Variants in TUBGCP3 observed in about 807,000 individuals in gnomAD.
TUBGCP3 encodes the protein tubulin gamma complex component 3.
A neutral mutation model predicts 123.1 loss-of-function variants in TUBGCP3; 50 were observed. That is an observed-to-expected ratio of 0.41 (90% CI 0.32 to 0.51). The LOEUF is 0.51. Ranked by LOEUF, TUBGCP3 falls within the 20% of genes least tolerant of loss-of-function variation. The pLI is 0.36. For synonymous variants in TUBGCP3, 405 were observed against 413.9 expected (o/e 0.98, Z 0.26); for missense variants, 882 against 1,127.0 (o/e 0.78, Z 3.11).
rs544444414 is a variant in TUBGCP3, at chr13:112,513,018, C to T, written c.2086+3422G>A. Among the ~76,000 whole-genome samples the T allele has an allele frequency of 6.6e-5, 10 of 152,152 alleles. No individual in the cohort carries two copies. In the East Asian group the frequency reaches 1.9e-3, roughly 29 times the overall value. On this transcript the variant is annotated intron_variant, in intron 17 of 21. Coordinates refer to ENST00000261965, the MANE Select transcript of TUBGCP3 (RefSeq NM_006322.6). ...GTTTTCCCTCAAGAACATAAGAGAT[C>T]GATTTTATTTCTAATAAAGACCAAA... is the stretch of plus-strand genomic sequence containing the variant.
intron 11 of TUBGCP3, among the ~76,000 whole-genome samples, chr13:112,542,127 C>A (rs1878571672): frequency 1.3e-5 from 2 of 152,124 alleles, no homozygotes; most frequent in Admixed American, 6.5e-5. Flanking sequence ...TGAGAGTAAA[C>A]AAATCATAGT....
intron 20 of TUBGCP3, 151 bp downstream of exon 20, chr13:112,498,894 G>C (rs775630112): frequency 1.2e-6 from 2 of 1,613,442 alleles, no homozygotes; most frequent in Admixed American, 3.3e-5. Flanking sequence ...ACAACTGTCA[G>C]TGATTTCTCG....
At chr13:112,498,906 G>T (rs765692174) in intron 20 of TUBGCP3, 139 bp downstream of exon 20, 3 of 1,613,766 alleles carry the variant, frequency 1.9e-6, no homozygotes, top group East Asian at 4.5e-5. Flanking sequence ...GATTTCTCGG[G>T]ACTTCAAACG....
In TUBGCP3 at chr13:112,489,644, T is replaced by C; in HGVS notation, c.2502A>G (p.Gly834=). 6.2e-7 allele frequency: 1 copy of C among 1,614,228 alleles called. No homozygotes were observed. Among genetic ancestry groups the C allele is most frequent in the Middle Eastern group, 1.6e-4 (1 of 6,062 alleles). Residue 834 remains glycine (G), a synonymous_variant, in exon 21 of 22, where the codon GGA becomes GGG. Coordinates refer to ENST00000261965, the MANE Select transcript of TUBGCP3 (RefSeq NM_006322.6). The part of the protein sequence containing the change: ...AEEEEENKRI[G]EFKESIPKMC... ...TTTTTGGTATAGATTCTTTAAATTC[T>C]CCAATCCTCTTATTTTCCTCCTCTT... is the stretch of plus-strand genomic sequence containing the variant.
intron 5 of TUBGCP3, among the ~76,000 whole-genome samples, chr13:112,556,541 C>T (rs1170225722): frequency 2.0e-5 from 3 of 152,144 alleles, no homozygotes; most frequent in Non-Finnish European, 4.4e-5. Flanking sequence ...TCTTTATAAA[C>T]ATATAACATA....
At chr13:112,572,253 A>G (rs770930672) in intron 1 of TUBGCP3, among the ~76,000 whole-genome samples, 1 of 152,158 alleles carries the variant, frequency 6.6e-6, no homozygotes, top group East Asian at 1.9e-4. Context: ...CTTGAACACT[A>G]ATTTCTTTTA....
rs1017346136 is a variant in TUBGCP3, at chr13:112,558,068, C to T, written c.548+128G>A. 3.9e-6 allele frequency: 4 copies of T among 1,028,610 alleles called. No individual in the cohort carries two copies. The African/African-American group carries it at 6.4e-5, about 16-fold the overall frequency. 63.7% of individuals were successfully genotyped at this position (1,028,610 alleles called of 1,614,324 possible). A position where few individuals can be genotyped will look rare whatever the true frequency, so the allele number is the denominator to read the frequency against. On this transcript the variant is annotated intron_variant, in intron 5 of 21. Transcript: ENST00000261965. ...AGATGGAGTGCATCGGACACAGTGCCCAGAACACTGTCTGGCACGTATGAG... is the reference window on the plus strand; with the variant it reads ...AGATGGAGTGCATCGGACACAGTGCTCAGAACACTGTCTGGCACGTATGAG...
At chr13:112,560,974 A>G (rs1880469578) in intron 3 of TUBGCP3, among the ~76,000 whole-genome samples, 1 of 150,732 alleles carries the variant, frequency 6.6e-6, no homozygotes, top group Admixed American at 6.6e-5. Flanking sequence ...AGGGACAGGA[A>G]CAGTGAACAC....
chr13:112,594,713 T>C, the TUBGCP3 span, among the ~76,000 whole-genome samples: 1 of 152,252 alleles, frequency 6.6e-6, no homozygotes, highest in Non-Finnish European at 1.5e-5. Context: ...GCTATAAATT[T>C]CTGTCTAAGC....
rs1880315705 is a variant in TUBGCP3, at chr13:112,559,403, T to C, written c.253-4A>G. 1.3e-6 allele frequency: 2 copies of C among 1,593,668 alleles called. No individual in the cohort carries two copies. The highest frequency in any genetic ancestry group is 8.6e-7 in the Non-Finnish European group (1 of 1,166,010). On this transcript the variant is annotated splice_polypyrimidine_tract_variant and splice_region_variant and intron_variant, in intron 3 of 21. Transcript: ENST00000261965. ...ACCATTTATTTTTCAAAACTCCCTG[T>C]TTGGAAAAAAGTTAATATTAAAAGA...
chr13:112,554,805 T>A, intron 7 of TUBGCP3, 82 bp downstream of exon 7: 1 of 970,172 alleles, frequency 1.0e-6, no homozygotes, highest in Non-Finnish European at 1.6e-6. Context: ...AGTACCACCT[T>A]ATCAATCAAC....
intron 10 of TUBGCP3, chr13:112,546,583 A>C (rs1326085646): frequency 6.6e-6 from 1 of 152,352 alleles, no homozygotes; most frequent in African/African-American, 2.4e-5. Flanking sequence ...GTGTACACAA[A>C]GTGGGGCTGT....
chr13:112,578,035 A>G (rs1222971210), intron 1 of TUBGCP3, among the ~76,000 whole-genome samples: 1 of 152,180 alleles, frequency 6.6e-6, no homozygotes, highest in Non-Finnish European at 1.5e-5. Context: ...ACTAACGTAA[A>G]AGAGTCTTGG....
At position 112,519,221 on chromosome 13, in the gene TUBGCP3, T is replaced by C. The variant is rs1263179001; in HGVS notation, c.1882-178A>G. ...CAATTAGGCAATAATGAGCACACAG[T>C]AGGTGCTCTGCAAACATCTGGCAAT... On this transcript the variant is annotated intron_variant, in intron 15 of 21. Transcript: ENST00000261965. The surrounding 1 kb of genome is among the most constrained non-coding windows in gnomAD (Gnocchi z 6.2). Among the ~76,000 whole-genome samples, 2 of 152,248 alleles carry C rather than the reference T, an allele frequency of 1.3e-5. No homozygotes were observed. Among genetic ancestry groups the C allele is most frequent in the African/African-American group, 2.4e-5 (1 of 41,472 alleles).
intron 2 of TUBGCP3, among the ~76,000 whole-genome samples, chr13:112,567,836 A>G (rs771682594): frequency 6.6e-6 from 1 of 152,250 alleles, no homozygotes; most frequent in Non-Finnish European, 1.5e-5. Flanking sequence ...TCATAATGCA[A>G]CAGCCAGGGG....
In TUBGCP3 at chr13:112,523,984, G is replaced by A. The variant is rs191964727; in HGVS notation, c.1556-1475C>T. Among the ~76,000 whole-genome samples the A allele has an allele frequency of 1.2e-4, 18 of 152,140 alleles. No homozygotes were observed. In the East Asian group the frequency reaches 3.3e-3, roughly 28 times the overall value. Reference sequence around the variant, plus strand: ...GAAACTTTGCTCTCCGCAGACCCTGGCAGCCATGGACAGGACGACGGGGAC... The same window carrying A: ...GAAACTTTGCTCTCCGCAGACCCTGACAGCCATGGACAGGACGACGGGGAC... On this transcript the variant is annotated intron_variant, in intron 13 of 21. Transcript: ENST00000261965.
chr13:112,512,246 AC>A (rs1295834906), intron 17 of TUBGCP3, among the ~76,000 whole-genome samples: 1 of 148,866 alleles, frequency 6.7e-6, no homozygotes, highest in Non-Finnish European at 1.5e-5. Context: ...CATAGTGAAA[AC>A]CCCATCTCTG....
At chr13:112,506,525 C>A (rs1268719956) in intron 17 of TUBGCP3, among the ~76,000 whole-genome samples, 2 of 152,216 alleles carry the variant, frequency 1.3e-5, no homozygotes, top group Non-Finnish European at 2.9e-5. Flanking sequence ...CCCAGCTGCC[C>A]TCAGACCTGT....
chr13:112,541,358 A>G (rs1347627140), intron 11 of TUBGCP3, among the ~76,000 whole-genome samples: 4 of 152,082 alleles, frequency 2.6e-5, no homozygotes, highest in South Asian at 2.1e-4. Context: ...CCTGGCCAAC[A>G]TGGTGAAATC....
Sources: allele counts gnomAD v4.1 joint callset (sites outside exome capture counted in the v4.1 genomes callset), GRCh38; gene constraint gnomAD v4.1.1; non-coding constraint Gnocchi (gnomAD v3.1); transcripts MANE v1.5; gene names NCBI Gene and HGNC (gene_info 2026-07-23, HGNC 2026-07-21).